The following DNAH14 variants were observed in gnomAD, a reference collection of about 807,000 sequenced individuals.
DNAH14 encodes dynein axonemal heavy chain 14.
DNAH14 carries 478 observed loss-of-function variants against 520.9 expected under a neutral mutation model. The ratio of observed to expected loss-of-function variants is 0.92; its 90% CI spans 0.85 to 0.99. DNAH14 has a LOEUF of 0.99. DNAH14 is among the 50% of genes least tolerant of loss of function. DNAH14 has a pLI of 0.00. For missense variants in DNAH14, 4,831 were observed against 5,234.5 expected (o/e 0.92, Z 2.38); for synonymous variants, 1,581 against 1,757.2 (o/e 0.90, Z 2.51).
chr1:225,322,278 C>T (rs1185016847), intron 61 of DNAH14, among the ~76,000 whole-genome samples: 1 of 151,204 alleles, frequency 6.6e-6, no homozygotes, highest in Non-Finnish European at 1.5e-5. Context: ...TTGTAGAGAC[C>T]GGGTTTCGCC....
In DNAH14 at chr1:224,952,731, C is replaced by T; in HGVS notation, c.29C>T (p.Thr10Ile). The change falls in exon 2 of 86, where the codon ACA becomes ATA. Residue 10 changes from threonine (T) to isoleucine (I), a missense_variant. Physicochemically the swap from Thr to Ile is moderately conservative, Grantham distance 89. Transcript: ENST00000682510. The part of the protein sequence containing the change: METFIPIDL[T>I]TENQEMDKEE... ...GAGACGTTTATACCCATTGATTTGA[C>T]AACTGAAAATCAAGAGATGGACAAG... 1 of 1,604,456 alleles carries T rather than the reference C, an allele frequency of 6.2e-7. No individual in the cohort carries two copies. The highest frequency in any genetic ancestry group is 8.5e-7 in the Non-Finnish European group (1 of 1,175,702).
intron 71 of DNAH14, among the ~76,000 whole-genome samples, chr1:225,350,990 T>C (rs1168832232): frequency 2.0e-5 from 3 of 152,090 alleles, no homozygotes; most frequent in Admixed American, 2.0e-4. Context: ...CTCAGCAAAA[T>C]ACTAACAAAC....
intron 81 of DNAH14, among the ~76,000 whole-genome samples, chr1:225,385,705 A>G (rs976491439): frequency 2.6e-5 from 4 of 152,214 alleles, no homozygotes; most frequent in Non-Finnish European, 5.9e-5. Flanking sequence ...GAGAACTACA[A>G]ACCACTGCTC....
chr1:225,336,343 A>T (rs1298736258), intron 66 of DNAH14, among the ~76,000 whole-genome samples: 1 of 152,098 alleles, frequency 6.6e-6, no homozygotes, highest in African/African-American at 2.4e-5. Context: ...AAGACAAAAT[A>T]GATGTTAAGG....
rs2087682277 is a variant in DNAH14, at chr1:225,207,145, A to T, written c.6364A>T (p.Thr2122Ser). 6.4e-7 allele frequency: 1 copy of T among 1,550,762 alleles called. No individual in the cohort carries two copies. Among genetic ancestry groups the T allele is most frequent in the South Asian group, 1.2e-5 (1 of 83,874 alleles). The change falls in exon 41 of 86, where the codon ACA becomes TCA. Residue 2122 changes from threonine (T) to serine (S), a missense_variant. By Grantham distance (58) the Thr-to-Ser change is moderately conservative. Coordinates refer to ENST00000682510, the MANE Select transcript of DNAH14 (RefSeq NM_001367479.1). ...TCAGCCATATCCTATGGAGGACATA[A>T]CAGTCGTCATAACCCTCTGCAGAAT... ...KFQPYPMEDI[T>S]VVITLCRILD...
intron 17 of DNAH14, among the ~76,000 whole-genome samples, chr1:225,058,049 T>C (rs1237848176): frequency 6.6e-6 from 1 of 152,168 alleles, no homozygotes; most frequent in Non-Finnish European, 1.5e-5. Flanking sequence ...CCTCATAAAA[T>C]GAGTTAGGGA....
chr1:225,064,164 A>T (rs183717756), intron 17 of DNAH14, among the ~76,000 whole-genome samples: 1 of 152,190 alleles, frequency 6.6e-6, no homozygotes, highest in East Asian at 1.9e-4. Flanking sequence ...CAGATGACAG[A>T]TACAACCTGT....
intron 19 of DNAH14, 65 bp downstream of exon 19, chr1:225,080,813 G>A: frequency 7.0e-7 from 1 of 1,437,886 alleles, no homozygotes; most frequent in South Asian, 1.5e-5. Flanking sequence ...TGGACATCAA[G>A]AGCATTGTCC....
chr1:225,132,349 T>G (rs189793154), intron 27 of DNAH14, among the ~76,000 whole-genome samples: 2 of 152,120 alleles, frequency 1.3e-5, no homozygotes, highest in Non-Finnish European at 2.9e-5. Context: ...TTCTTCCTGA[T>G]GCTTTCCCTC....
chr1:225,085,672 C>T lies in DNAH14; in HGVS notation c.3456C>T (p.His1152=), dbSNP rs1394654865. Residue 1152 remains histidine, a synonymous_variant, in exon 21 of 86, where the codon CAC becomes CAT. Coordinates refer to ENST00000682510, the MANE Select transcript of DNAH14 (RefSeq NM_001367479.1). The part of the protein sequence containing the change: ...NTTPLPLILH[H]TEIYSIFIIP... The stretch of plus-strand genomic sequence containing the variant: ...CTCCTTTGCCTTTAATTCTTCACCA[C>T]ACAGAGATTTACTCTATCTTCATAA... 2 of 1,551,204 alleles carry T rather than the reference C, an allele frequency of 1.3e-6. No individual in the cohort carries two copies. The highest frequency in any genetic ancestry group is 2.7e-5 in the African/African-American group (2 of 73,024).
At chr1:225,264,640 A>C (rs1382622652) in intron 47 of DNAH14, among the ~76,000 whole-genome samples, 3 of 152,144 alleles carry the variant, frequency 2.0e-5, no homozygotes, top group Admixed American at 2.0e-4. Flanking sequence ...AGGCCATGCA[A>C]TAGAAACATA....
At chr1:225,286,115 A>G (rs2093735621) in intron 54 of DNAH14, among the ~76,000 whole-genome samples, 1 of 152,200 alleles carries the variant, frequency 6.6e-6, no homozygotes, top group Non-Finnish European at 1.5e-5. Flanking sequence ...AACTCACAGA[A>G]GTAGAGAGTA....
intron 8 of DNAH14, among the ~76,000 whole-genome samples, chr1:224,991,560 C>A (rs1172185551): frequency 6.6e-6 from 1 of 151,888 alleles, no homozygotes; most frequent in Non-Finnish European, 1.5e-5. Context: ...ACTACAACCT[C>A]TGCCTCCCAG....
chr1:224,971,820 C>CTGGGACCTGTCACA (rs1256795201), intron 7 of DNAH14, among the ~76,000 whole-genome samples: 3 of 152,154 alleles, frequency 2.0e-5, no homozygotes, highest in South Asian at 4.1e-4. Flanking sequence ...CTGTTATTTT[C>CTGGGACCTGTCACA]TGGGACCTGT....
At chr1:225,041,750 C>T (rs1001043107) in intron 12 of DNAH14, among the ~76,000 whole-genome samples, 1 of 152,020 alleles carries the variant, frequency 6.6e-6, no homozygotes, top group African/African-American at 2.4e-5. Flanking sequence ...TATTTAAATG[C>T]AGTAATATTA....
intron 11 of DNAH14, among the ~76,000 whole-genome samples, chr1:225,037,178 C>T (rs1167953041): frequency 6.6e-6 from 1 of 152,136 alleles, no homozygotes; most frequent in Non-Finnish European, 1.5e-5. Context: ...TTCTGCCACT[C>T]TATATCTTTT....
intron 12 of DNAH14, among the ~76,000 whole-genome samples, chr1:225,040,266 T>A (rs1022929158): frequency 6.6e-6 from 1 of 152,086 alleles, no homozygotes; most frequent in Non-Finnish European, 1.5e-5. Flanking sequence ...AGTATTTAGG[T>A]AGATTTGATG....
intron 31 of DNAH14, among the ~76,000 whole-genome samples, chr1:225,150,276 T>C (rs1311488255): frequency 6.6e-6 from 1 of 152,216 alleles, no homozygotes; most frequent in Non-Finnish European, 1.5e-5. Context: ...GTTTTTGATG[T>C]GCTGCTAGAT....
intron 75 of DNAH14, among the ~76,000 whole-genome samples, chr1:225,364,105 T>C (rs908492831): frequency 1.3e-5 from 2 of 152,192 alleles, no homozygotes; most frequent in South Asian, 2.1e-4. Context: ...TGAAGTAATG[T>C]TATCTCATTC....
Sources: allele counts gnomAD v4.1 joint callset (sites outside exome capture counted in the v4.1 genomes callset), GRCh38; gene constraint gnomAD v4.1.1; transcripts MANE v1.5; gene names NCBI Gene and HGNC (gene_info 2026-07-23, HGNC 2026-07-21).